SLC33A1: variants seen among roughly 807,000 people sequenced by gnomAD.
SLC33A1 encodes the protein solute carrier family 33 member 1.
A neutral mutation model predicts 50.0 loss-of-function variants in SLC33A1; 20 were observed. That is an observed-to-expected ratio of 0.40 (90% CI 0.28 to 0.58). The LOEUF (loss-of-function observed/expected upper bound fraction) is 0.58. Among genes scored for constraint, SLC33A1 ranks in the 20% least tolerant of loss-of-function variants. SLC33A1 has a pLI of 0.44. For missense variants in SLC33A1, 476 were observed against 657.0 expected (o/e 0.72, Z 3.01); for synonymous variants, 265 against 251.8 (o/e 1.05, Z -0.50).
intron 2 of SLC33A1, among the ~76,000 whole-genome samples, chr3:155,837,155 T>G (rs1752712052): frequency 6.6e-6 from 1 of 151,738 alleles, no homozygotes; most frequent in Non-Finnish European, 1.5e-5. Context: ...GGTCAGGAGA[T>G]CGAGACCATC....
intron 4 of SLC33A1, among the ~76,000 whole-genome samples, chr3:155,830,735 CATTT>C (rs1752394221): frequency 6.6e-6 from 1 of 151,820 alleles, no homozygotes; most frequent in African/African-American, 2.4e-5. Flanking sequence ...TATATGTATG[CATTT>C]ATTACATATA....
rs901823226 is a variant in SLC33A1, at chr3:155,827,898, C to T, written c.*312G>A. The T allele has an allele frequency of 3.4e-6, 1 of 291,870 alleles. No individual in the cohort carries two copies. The allele number at this position is 291,870 out of a possible 1,614,324, so 18.1% of individuals were successfully genotyped here. On this transcript the variant is annotated 3_prime_UTR_variant, in exon 6 of 6. Transcript: ENST00000643144. ...CAATACCTGACTACATGGTTACCAC[C>T]CGTGACTACTGCATTGCAGCTTAAA...
At chr3:155,842,348 C>T in intron 2 of SLC33A1, 84 bp downstream of exon 2, 1 of 777,792 alleles carries the variant, frequency 1.3e-6, no homozygotes, top group South Asian at 1.6e-5. Flanking sequence ...GGAAAGGGAC[C>T]TGTGATATGA....
intron 1 of SLC33A1, among the ~76,000 whole-genome samples, chr3:155,844,099 C>T (rs1753031882): frequency 6.6e-6 from 1 of 152,158 alleles, no homozygotes; most frequent in Non-Finnish European, 1.5e-5. Context: ...GAATCTTGCT[C>T]TTGCTGCTGT....
rs747707677 is a variant in SLC33A1 at position 155,853,350 on chromosome 3, G to A, written c.648C>T (p.Cys216=). The A allele has an allele frequency of 6.2e-7, 1 of 1,614,112 alleles. No individual in the cohort carries two copies. The highest frequency in any genetic ancestry group is 1.1e-5 in the South Asian group (1 of 91,088). ...SRENVGYAST[C]NSVGQTAGYF... is the part of the protein sequence containing the mutation. ...AACCCGCTGTTTGGCCCACCGAATT[G>A]CAAGTAGAAGCATAACCCACATTTT... Residue 216 remains cysteine, a synonymous_variant, in exon 1 of 6, where the codon TGC becomes TGT. Transcript: ENST00000643144.
intron 1 of SLC33A1, among the ~76,000 whole-genome samples, chr3:155,843,444 G>C (rs1471014597): frequency 6.6e-6 from 1 of 152,052 alleles, no homozygotes; most frequent in Non-Finnish European, 1.5e-5. Context: ...GCTCACACTC[G>C]TAGGTGCAGA....
chr3:155,822,856 A>G lies in SLC33A1; in HGVS notation c.*5354T>C, dbSNP rs1752122327. On this transcript the variant is annotated 3_prime_UTR_variant, in exon 6 of 6. Transcript: ENST00000643144. ...TTTTTTAGAGTAAAGGTGATTAGTC[A>G]TAGAACTTTCTTTCTTTTTCTTTCC... 1 of 152,186 alleles carries G rather than the reference A, an allele frequency of 6.6e-6. No individual in the cohort carries two copies. The highest frequency in any genetic ancestry group is 2.4e-5 in the African/African-American group (1 of 41,554). 9.4% of individuals were successfully genotyped at this position (152,186 alleles called of 1,614,324 possible). A position where few individuals can be genotyped will look rare whatever the true frequency, so the allele number is the denominator to read the frequency against.
At chr3:155,848,599 G>A (rs1753273619) in intron 1 of SLC33A1, among the ~76,000 whole-genome samples, 3 of 152,242 alleles carry the variant, frequency 2.0e-5, no homozygotes, top group African/African-American at 7.2e-5. Flanking sequence ...GGAGAATGGT[G>A]TGAACCCTGG....
At chr3:155,838,070 G>A (rs1306367077) in intron 2 of SLC33A1, among the ~76,000 whole-genome samples, 3 of 151,782 alleles carry the variant, frequency 2.0e-5, no homozygotes, top group Non-Finnish European at 2.9e-5. Context: ...TGGGAAGGCC[G>A]AGGTGGGCAG....
chr3:155,833,946 A>C lies in SLC33A1; in HGVS notation c.1059T>G (p.Val353=). Residue 353 remains valine, a synonymous_variant, in exon 3 of 6, where the codon GTT becomes GTG. Coordinates refer to ENST00000643144, the MANE Select transcript of SLC33A1 (RefSeq NM_004733.4). ...EHLALLAVPM[V]PLQIILPLII... ...TCAGAGGCAGTATTATCTGCAAAGG[A>C]ACCATTGGAACTGCCAATAAGGCTA... 6.2e-7 allele frequency: 1 copy of C among 1,613,722 alleles called. No homozygotes were observed. Among genetic ancestry groups the C allele is most frequent in the South Asian group, 1.1e-5 (1 of 91,074 alleles).
intron 1 of SLC33A1, among the ~76,000 whole-genome samples, chr3:155,843,539 G>C (rs73159039): frequency 6.6e-6 from 1 of 152,168 alleles, no homozygotes; most frequent in Admixed American, 6.6e-5. Context: ...AAATTTAGTG[G>C]AGGGAGTAAA....
At chr3:155,831,913 G>A (rs899715686) in intron 4 of SLC33A1, among the ~76,000 whole-genome samples, 2 of 152,074 alleles carry the variant, frequency 1.3e-5, no homozygotes, top group African/African-American at 2.4e-5. Flanking sequence ...ATATTTTTAC[G>A]TTTCAGTTAA....
rs1323493885 is a variant in SLC33A1 at position 155,823,706 on chromosome 3, TTTTG to T, written c.*4500_*4503del. The T allele has an allele frequency of 6.6e-6, 1 of 151,926 alleles. No individual in the cohort carries two copies. The highest frequency in any genetic ancestry group is 1.5e-5 in the Non-Finnish European group (1 of 68,010). The allele number at this position is 151,926 out of a possible 1,614,324, so 9.4% of individuals were successfully genotyped here. A position where few individuals can be genotyped will look rare whatever the true frequency, so the allele number is the denominator to read the frequency against. ...ACATGGTCTGCAGTAGGTGTTTTTGTTTTGTTTTTGTTTGTTTGTTTTTGAAACG... is the reference window on the plus strand; with the variant it reads ...ACATGGTCTGCAGTAGGTGTTTTTGTTTTTTGTTTGTTTGTTTTTGAAACG... On this transcript the variant is annotated 3_prime_UTR_variant, in exon 6 of 6. Coordinates refer to ENST00000643144, the MANE Select transcript of SLC33A1 (RefSeq NM_004733.4).
chr3:155,852,499 C>T (rs997556864), intron 1 of SLC33A1, among the ~76,000 whole-genome samples: 5 of 152,184 alleles, frequency 3.3e-5, no homozygotes, highest in Admixed American at 2.0e-4. Context: ...TTTCCCAAAC[C>T]CAGTTCCACA....
intron 1 of SLC33A1, among the ~76,000 whole-genome samples, chr3:155,850,611 C>T (rs1577479124): frequency 6.6e-6 from 1 of 151,776 alleles, no homozygotes; most frequent in Non-Finnish European, 1.5e-5. Flanking sequence ...TTAATTTACA[C>T]TGACTTATTC....
chr3:155,838,526 CA>C (rs1322211847), intron 2 of SLC33A1, among the ~76,000 whole-genome samples: 7 of 146,966 alleles, frequency 4.8e-5, no homozygotes, highest in Non-Finnish European at 6.0e-5. Flanking sequence ...ACCAAAAATA[CA>C]AAAATTAGCC....
chr3:155,842,606 G>T lies in SLC33A1; in HGVS notation c.789C>A (p.Phe263Leu). The T allele has an allele frequency of 6.5e-7, 1 of 1,533,596 alleles. No individual in the cohort carries two copies. Among genetic ancestry groups the T allele is most frequent in the Non-Finnish European group, 8.8e-7 (1 of 1,133,580 alleles). 95.0% of individuals were successfully genotyped at this position (1,533,596 alleles called of 1,614,324 possible). The change falls in exon 2 of 6, where the codon TTC becomes TTA. Residue 263 changes from phenylalanine to leucine, a missense_variant. By Grantham distance (22) the Phe-to-Leu change is conservative. Coordinates refer to ENST00000643144, the MANE Select transcript of SLC33A1 (RefSeq NM_004733.4). Reference protein sequence around the residue: ...GIVTLSDFLFFWGTVFLITTT... With the variant: ...GIVTLSDFLFLWGTVFLITTT... Reference sequence around the variant, plus strand: ...TTGTTATTAAAAATACAGTTCCCCAGAAAAAAAGGAAATCTGAAAATGTTT... The same window carrying T: ...TTGTTATTAAAAATACAGTTCCCCATAAAAAAAGGAAATCTGAAAATGTTT...
chr3:155,849,296 T>C (rs1251448594), intron 1 of SLC33A1, among the ~76,000 whole-genome samples: 1 of 152,212 alleles, frequency 6.6e-6, no homozygotes, highest in Non-Finnish European at 1.5e-5. Flanking sequence ...CCTCAGTGTT[T>C]AGCTCCTCTT....
rs1361115578 is a variant in SLC33A1, at chr3:155,840,905, A to G, written c.963+1527T>C. Among the ~76,000 whole-genome samples, 3 of 152,108 alleles carry G rather than the reference A, an allele frequency of 2.0e-5. No homozygotes were observed. In the East Asian group the frequency reaches 5.8e-4, roughly 29 times the overall value. ...GAGACTGAGGCAGGAGAATCGCTTG[A>G]ACCCAGGAGGCAGAGGTTGCAGTGA... On this transcript the variant is annotated intron_variant, in intron 2 of 5. Transcript: ENST00000643144.
Sources: gnomAD v4.1 joint callset for allele counts (sites outside exome capture counted in the v4.1 genomes callset) on GRCh38, gnomAD v4.1.1 for gene constraint, MANE v1.5 for transcripts, NCBI Gene and HGNC (gene_info 2026-07-23, HGNC 2026-07-21) for gene names.